PAX5: variants seen among roughly 807,000 people sequenced by gnomAD.
The protein encoded by PAX5 is paired box 5.
PAX5 carries 9 observed loss-of-function variants against 43.7 expected under a neutral mutation model. The ratio of observed to expected loss-of-function variants is 0.21; its 90% CI spans 0.12 to 0.36. PAX5 has a LOEUF of 0.36. PAX5 is among the 10% of genes least tolerant of loss of function. The probability of loss-of-function intolerance (pLI) is 1.00; values close to 1 mark genes in which losing one functional copy is unlikely to be tolerated. For missense variants in PAX5, 383 were observed against 532.7 expected, an observed-to-expected ratio of 0.72 and a Z score of 2.77; for synonymous variants, 228 against 214.3, an observed-to-expected ratio of 1.06 and a Z score of -0.56.
At position 37,015,691 on chromosome 9, in the gene PAX5, T is replaced by A. The variant is rs1208596999; in HGVS notation, c.213-497A>T. Among the ~76,000 whole-genome samples the A allele has an allele frequency of 6.6e-6, 1 of 152,174 alleles. No homozygotes were observed. Among genetic ancestry groups the A allele is most frequent in the African/African-American group, 2.4e-5 (1 of 41,442 alleles). ...GCCTCCTGGGTTCAAGTGATTCTCCTGCCTCAGCCTCCCGAGTAGCTGGGA... is the reference window on the plus strand; with the variant it reads ...GCCTCCTGGGTTCAAGTGATTCTCCAGCCTCAGCCTCCCGAGTAGCTGGGA... On this transcript the variant is annotated intron_variant, in intron 2 of 9. Transcript: ENST00000358127. The surrounding 1 kb of genome is among the most constrained non-coding windows in gnomAD (Gnocchi z 4.4).
Position 37,002,650 on chromosome 9 carries a change from T to C in PAX5, c.602A>G (p.Glu201Gly), listed in dbSNP as rs1041485987. The C allele has an allele frequency of 6.2e-7, 1 of 1,611,266 alleles. No homozygotes were observed. Among genetic ancestry groups the C allele is most frequent in the Non-Finnish European group, 8.5e-7 (1 of 1,178,866 alleles). Residue 201 changes from glutamate (E) to glycine (G), a missense_variant and splice_region_variant, in exon 5 of 10, where the codon GAA becomes GGA. Physicochemically the swap from Glu to Gly is moderately conservative, Grantham distance 98 (BLOSUM62 -2). Around this residue, in one of 5 missense-constraint regions of PAX5, gnomAD observed 291 missense variants for 342.5 expected, o/e 0.85. Transcript: ENST00000358127. ...SADTNKRKRD[E>G]GIQESPVPNG... ...GGGGCTGCGCGGGCCTCTCTTACCT[T>C]CGTCTCTCTTGCGCTTGTTGGTGTC...
chr9:36,930,216 C>CTTT lies in PAX5; in HGVS notation c.781-6735_781-6733dup, dbSNP rs144710055. ...AGGTACAGGGATAGGGATGGATGTC[C>CTTT]TTTTTTTTTTTTTTTTTTTTTTTTT... is the stretch of plus-strand genomic sequence containing the variant. On this transcript the variant is annotated intron_variant, in intron 6 of 9. Transcript: ENST00000358127. Among the ~76,000 whole-genome samples, 149 of 85,530 alleles carry CTTT rather than the reference C, an allele frequency of 1.7e-3. 2 individuals are homozygous for CTTT. Among genetic ancestry groups the CTTT allele is most frequent in the African/African-American group, 4.6e-3 (97 of 21,268 alleles). 56.1% of individuals were successfully genotyped at this position (85,530 alleles called of 152,430 possible).
chr9:36,923,797 A>G (rs997210041), intron 6 of PAX5, among the ~76,000 whole-genome samples: 2 of 152,158 alleles, frequency 1.3e-5, no homozygotes, highest in South Asian at 2.1e-4. Flanking sequence ...CAGAGACCCC[A>G]CACTCCTCAG....
chr9:37,030,431 T>A (rs1277986925), intron 1 of PAX5, among the ~76,000 whole-genome samples: 1 of 152,110 alleles, frequency 6.6e-6, no homozygotes, highest in East Asian at 1.9e-4. Context: ...CTCAGTCCTG[T>A]CTCTGAACGC....
chr9:36,885,559 A>T (rs1826840874), intron 7 of PAX5, among the ~76,000 whole-genome samples: 1 of 152,236 alleles, frequency 6.6e-6, no homozygotes, highest in African/African-American at 2.4e-5. Flanking sequence ...AAACTGAGGC[A>T]CAGAGCATTT....
intron 5 of PAX5, among the ~76,000 whole-genome samples, chr9:36,983,066 A>G (rs1021766010): frequency 2.0e-5 from 3 of 152,168 alleles, no homozygotes. Flanking sequence ...CATCTTTGGA[A>G]TGACCCATCA....
intron 7 of PAX5, 128 bp downstream of exon 7, chr9:36,923,227 C>A: frequency 8.7e-7 from 1 of 1,152,146 alleles, no homozygotes; most frequent in Non-Finnish European, 1.2e-6. Flanking sequence ...TGTTCCCAGG[C>A]CTCATAACCT....
Position 36,847,142 on chromosome 9 carries a change from G to A in PAX5, c.1013-213C>T, listed in dbSNP as rs7044118. 0.66 allele frequency among the ~76,000 whole-genome samples: 99,665 copies of A among 152,058 alleles called. 36,035 individuals carry two copies. Among genetic ancestry groups the A allele is most frequent in the East Asian group, 0.83 (4,309 of 5,184 alleles). On this transcript the variant is annotated intron_variant, in intron 8 of 9. Coordinates refer to ENST00000358127, the MANE Select transcript of PAX5 (RefSeq NM_016734.3). ...TCTGTATTTCCCCTCCTTATCAGTGGGAGTGAATGGCAGACTCTCACATGT... is the reference window on the plus strand; with the variant it reads ...TCTGTATTTCCCCTCCTTATCAGTGAGAGTGAATGGCAGACTCTCACATGT...
intron 8 of PAX5, among the ~76,000 whole-genome samples, chr9:36,858,370 C>T (rs1057413908): frequency 2.0e-5 from 3 of 152,060 alleles, no homozygotes; most frequent in African/African-American, 7.2e-5. Flanking sequence ...AGTCCAAGTC[C>T]CTGATCTTCC....
chr9:36,933,379 A>G (rs1235307223), intron 6 of PAX5, among the ~76,000 whole-genome samples: 1 of 152,090 alleles, frequency 6.6e-6, no homozygotes, highest in East Asian at 1.9e-4. Context: ...CTGCATCTTC[A>G]GGGATGCCAA....
chr9:37,020,446 C>A (rs898553376), intron 2 of PAX5, among the ~76,000 whole-genome samples, 190 bp downstream of exon 2: 4 of 152,184 alleles, frequency 2.6e-5, no homozygotes, highest in Non-Finnish European at 4.4e-5. Context: ...CCCTATTCCA[C>A]ATGTCACTAG....
At chr9:36,928,912 G>T (rs4878668) in intron 6 of PAX5, among the ~76,000 whole-genome samples, 81,056 of 151,958 alleles carry the variant, frequency 0.53, 21,716 homozygotes, top group East Asian at 0.74. Context: ...CCAGTAAAGT[G>T]TTTCCCCTGG....
intron 7 of PAX5, among the ~76,000 whole-genome samples, chr9:36,902,722 C>A (rs958809798): frequency 6.6e-6 from 1 of 152,210 alleles, no homozygotes; most frequent in Non-Finnish European, 1.5e-5. Flanking sequence ...TAGCACAAGA[C>A]GGATTTTAAA....
At chr9:36,975,528 G>T (rs1011231301) in intron 5 of PAX5, among the ~76,000 whole-genome samples, 1 of 151,972 alleles carries the variant, frequency 6.6e-6, no homozygotes, top group Admixed American at 6.6e-5. Flanking sequence ...TGGGACTACA[G>T]GCGCCCGCCA....
intron 6 of PAX5, among the ~76,000 whole-genome samples, chr9:36,934,879 A>T (rs909599408): frequency 2.0e-5 from 3 of 152,220 alleles, no homozygotes; most frequent in African/African-American, 4.8e-5. Context: ...CTCTGAACAG[A>T]TGTGACATAA....
At chr9:36,891,558 A>G (rs569603957) in intron 7 of PAX5, among the ~76,000 whole-genome samples, 70 of 152,302 alleles carry the variant, frequency 4.6e-4, no homozygotes, top group African/African-American at 1.6e-3. Context: ...CAGAGGGGGA[A>G]TATTTCACCC....
chr9:36,918,115 T>C (rs534525156), intron 7 of PAX5, among the ~76,000 whole-genome samples: 1 of 152,160 alleles, frequency 6.6e-6, no homozygotes, highest in Non-Finnish European at 1.5e-5. Context: ...AACCCTACAA[T>C]GGCCTCTATG....
At chr9:36,959,771 C>A (rs1201584983) in intron 6 of PAX5, among the ~76,000 whole-genome samples, 1 of 152,240 alleles carries the variant, frequency 6.6e-6, no homozygotes, top group Non-Finnish European at 1.5e-5. Flanking sequence ...CAGTGGGCAG[C>A]CTGTGCTGCA....
intron 8 of PAX5, among the ~76,000 whole-genome samples, chr9:36,863,996 C>G (rs1242269268): frequency 6.6e-6 from 1 of 152,180 alleles, no homozygotes; most frequent in African/African-American, 2.4e-5. Context: ...GTAGTCCCAG[C>G]TACTCGGGAG....
Sources: gnomAD v4.1 joint callset for allele counts (sites outside exome capture counted in the v4.1 genomes callset) on GRCh38, gnomAD v4.1.1 for gene constraint, gnomAD v4.1.1 regional missense constraint, Gnocchi (gnomAD v3.1) non-coding constraint, MANE v1.5 for transcripts, NCBI Gene and HGNC (gene_info 2026-07-23, HGNC 2026-07-21) for gene names.